Variants in PLCL2 observed in about 807,000 individuals in gnomAD.
The protein encoded by PLCL2 is phospholipase C like 2.
Under a neutral mutation model 79.6 loss-of-function variants are expected in PLCL2, and 4 were observed. That is an observed-to-expected ratio of 0.05 (90% CI 0.02 to 0.11). The LOEUF is 0.11. Among genes scored for constraint, PLCL2 ranks in the 10% least tolerant of loss-of-function variants. The probability of loss-of-function intolerance (pLI) is 1.00; values close to 1 mark genes in which losing one functional copy is unlikely to be tolerated. For missense variants in PLCL2, 895 were observed against 1,291.0 expected (o/e 0.69, Z 4.70); for synonymous variants, 484 against 457.7 (o/e 1.06, Z -0.73).
chr3:16,899,112 C>T (rs1403762973), intron 1 of PLCL2, among the ~76,000 whole-genome samples: 1 of 152,222 alleles, frequency 6.6e-6, no homozygotes, highest in East Asian at 1.9e-4. Context: ...GTATCTGTCA[C>T]TATCGAGGGG....
chr3:16,961,619 A>G (rs1475772494), intron 1 of PLCL2, among the ~76,000 whole-genome samples: 1 of 152,222 alleles, frequency 6.6e-6, no homozygotes, highest in Admixed American at 6.5e-5. Context: ...AGGTAGGGAC[A>G]TCAGCTTCCC....
chr3:17,030,689 C>T (rs535380298), intron 3 of PLCL2, among the ~76,000 whole-genome samples: 1 of 152,270 alleles, frequency 6.6e-6, no homozygotes, highest in East Asian at 1.9e-4. Flanking sequence ...TGCATTCTTC[C>T]AGCTCTGTTA....
At chr3:16,891,120 G>A (rs570177649) in intron 1 of PLCL2, among the ~76,000 whole-genome samples, 15 of 152,298 alleles carry the variant, frequency 9.8e-5, no homozygotes, top group South Asian at 6.2e-4. Context: ...CACATGTTGC[G>A]TATCTGGATT....
At chr3:16,989,586 T>C (rs2064083476) in intron 1 of PLCL2, among the ~76,000 whole-genome samples, 1 of 152,198 alleles carries the variant, frequency 6.6e-6, no homozygotes, top group Non-Finnish European at 1.5e-5. Context: ...CCTGTTTCTT[T>C]TTAGATTTGT....
chr3:16,954,648 G>A (rs1370431335), intron 1 of PLCL2, among the ~76,000 whole-genome samples: 3 of 152,122 alleles, frequency 2.0e-5, no homozygotes, highest in African/African-American at 7.2e-5. Flanking sequence ...CACCAACAGT[G>A]TAAAAGTGTT....
At position 16,885,150 on chromosome 3, in the gene PLCL2, C is replaced by T. The variant is rs1410679034; in HGVS notation, c.111C>T (p.Gly37=). ...AAGCCGGAGTGGGGGAAGGCGGTGG[C>T]GGGGGAGGTCGCCTCGGCCACGGGC... ...ALKAGVGEGG[G]GGGRLGHGRA... Residue 37 remains glycine (G), a synonymous_variant, in exon 1 of 6, where the codon GGC becomes GGT. Coordinates refer to ENST00000615277, the MANE Select transcript of PLCL2 (RefSeq NM_001144382.2). The T allele has an allele frequency of 2.3e-5, 12 of 514,936 alleles. No individual in the cohort carries two copies. The African/African-American group carries it at 2.4e-4, about 10-fold the overall frequency. 31.9% of individuals were successfully genotyped at this position (514,936 alleles called of 1,614,324 possible). A position where few individuals can be genotyped will look rare whatever the true frequency, so the allele number is the denominator to read the frequency against.
chr3:17,041,076 T>G (rs2064716285), intron 3 of PLCL2, among the ~76,000 whole-genome samples: 1 of 152,228 alleles, frequency 6.6e-6, no homozygotes, highest in Admixed American at 6.5e-5. Context: ...AGGTTACTGA[T>G]GACGGTATGG....
At chr3:16,892,236 CAAAG>C (rs1490730588) in intron 1 of PLCL2, among the ~76,000 whole-genome samples, 4 of 152,136 alleles carry the variant, frequency 2.6e-5, no homozygotes, top group Non-Finnish European at 4.4e-5. Context: ...ATTTTGAAAA[CAAAG>C]GAAATACCTT....
At chr3:16,955,337 T>C (rs1463887248) in intron 1 of PLCL2, among the ~76,000 whole-genome samples, 1 of 152,196 alleles carries the variant, frequency 6.6e-6, no homozygotes, top group Non-Finnish European at 1.5e-5. Context: ...CAGATGGTTG[T>C]AGATGTGTGG....
rs891737490 is a variant in PLCL2 at position 16,886,316 on chromosome 3, C to G, written c.327+950C>G. Among the ~76,000 whole-genome samples the G allele has an allele frequency of 6.6e-6, 1 of 152,176 alleles. No individual in the cohort carries two copies. Among genetic ancestry groups the G allele is most frequent in the African/African-American group, 2.4e-5 (1 of 41,456 alleles). ...AATGAAAACATTGCTTTCTGAAAATCAAGGAGTTATCAGGACAGGGAGCAG... is the reference window on the plus strand; with the variant it reads ...AATGAAAACATTGCTTTCTGAAAATGAAGGAGTTATCAGGACAGGGAGCAG... On this transcript the variant is annotated intron_variant, in intron 1 of 5. Transcript: ENST00000615277. This position sits in a 1 kb window ranked among gnomAD's most constrained non-coding sequence, Gnocchi z 4.2.
At chr3:16,934,632 T>C (rs1481900447) in intron 1 of PLCL2, among the ~76,000 whole-genome samples, 3 of 152,166 alleles carry the variant, frequency 2.0e-5, no homozygotes, top group Admixed American at 1.3e-4. Flanking sequence ...AAAAATCTCA[T>C]CCTGCCTGCC....
chr3:17,022,733 G>A (rs936713237), intron 3 of PLCL2, among the ~76,000 whole-genome samples: 2 of 152,086 alleles, frequency 1.3e-5, no homozygotes, highest in African/African-American at 4.8e-5. Flanking sequence ...CATTTCTGTG[G>A]CCCTAATTCT....
intron 4 of PLCL2, among the ~76,000 whole-genome samples, chr3:17,049,831 AT>A (rs2064820381): frequency 6.6e-6 from 1 of 152,206 alleles, no homozygotes; most frequent in Admixed American, 6.5e-5. Flanking sequence ...GAAAAAAAAA[AT>A]CCTAACATTT....
intron 1 of PLCL2, among the ~76,000 whole-genome samples, chr3:16,961,239 G>T (rs923044140): frequency 6.6e-6 from 1 of 152,146 alleles, no homozygotes; most frequent in African/African-American, 2.4e-5. Flanking sequence ...AGAAGTTGAA[G>T]TTCTTATATC....
At chr3:17,056,050 C>T (rs2064889297) in intron 4 of PLCL2, among the ~76,000 whole-genome samples, 1 of 152,170 alleles carries the variant, frequency 6.6e-6, no homozygotes, top group Non-Finnish European at 1.5e-5. Context: ...CTTCCTCCCT[C>T]CTTCCTTCGT....
Position 16,907,810 on chromosome 3 carries a change from C to T in PLCL2, c.327+22444C>T, listed in dbSNP as rs991251177. Among the ~76,000 whole-genome samples, 7 of 151,966 alleles carry T rather than the reference C, an allele frequency of 4.6e-5. No individual in the cohort carries two copies. In the South Asian group the frequency reaches 6.2e-4, roughly 14 times the overall value. ...GTCTAGATTTACTTCAGGAGTTGTG[C>T]CCTTGAAGTAGAATTTGGTTGTTTG... On this transcript the variant is annotated intron_variant, in intron 1 of 5. Coordinates refer to ENST00000615277, the MANE Select transcript of PLCL2 (RefSeq NM_001144382.2).
At position 17,042,725 on chromosome 3, in the gene PLCL2, G is replaced by C. The variant is rs531262327; in HGVS notation, c.3019-149G>C. 5 of 619,264 alleles carry C rather than the reference G, an allele frequency of 8.1e-6. No individual in the cohort carries two copies. The East Asian group carries it at 1.4e-4, about 17-fold the overall frequency. The allele number at this position is 619,264 out of a possible 1,614,324, so 38.4% of individuals were successfully genotyped here. A position where few individuals can be genotyped will look rare whatever the true frequency, so the allele number is the denominator to read the frequency against. ...ATGTGTGATGTTATCATTTTCACAT[G>C]CACATTTGAAGTTGAGTAGTGGAAA... On this transcript the variant is annotated intron_variant, in intron 3 of 5. Transcript: ENST00000615277.
intron 1 of PLCL2, among the ~76,000 whole-genome samples, chr3:16,997,814 A>G (rs2125000357): frequency 6.6e-6 from 1 of 152,272 alleles, no homozygotes; most frequent in South Asian, 2.1e-4. Flanking sequence ...CTGGGATTAC[A>G]GGCATGAGCC....
At chr3:17,022,611 G>A (rs562464342) in intron 3 of PLCL2, among the ~76,000 whole-genome samples, 2 of 152,288 alleles carry the variant, frequency 1.3e-5, no homozygotes, top group South Asian at 2.1e-4. Context: ...CCAAAGCTGC[G>A]AGGAAGCACT....
Sources: gnomAD v4.1 joint callset for allele counts (sites outside exome capture counted in the v4.1 genomes callset) on GRCh38, gnomAD v4.1.1 for gene constraint, Gnocchi (gnomAD v3.1) non-coding constraint, MANE v1.5 for transcripts, NCBI Gene and HGNC (gene_info 2026-07-23, HGNC 2026-07-21) for gene names.